Variants in ADAP1 observed in about 807,000 individuals in gnomAD.
The protein encoded by ADAP1 is arf-GAP with dual PH domain-containing protein 1.
Under a neutral mutation model 54.9 loss-of-function variants are expected in ADAP1, and 31 were observed. That is an observed-to-expected ratio of 0.56 (90% confidence interval 0.42 to 0.76). ADAP1 has a LOEUF of 0.76. ADAP1 is among the 30% of genes least tolerant of loss of function. The probability of loss-of-function intolerance (pLI) is 0.00; values close to 1 mark genes in which losing one functional copy is unlikely to be tolerated. For synonymous variants in ADAP1, 313 were observed against 202.6 expected (o/e 1.55, Z -4.63); for missense variants, 535 against 512.4 (o/e 1.04, Z -0.42).
chr7:905,389 A>AGGAGAAAG (rs1845107605), intron 4 of ADAP1: 1 of 272,968 alleles, frequency 3.7e-6, no homozygotes, highest in Non-Finnish European at 6.2e-6. Flanking sequence ...GAAAGGAGAA[A>AGGAGAAAG]GGAGAAAGGA....
At chr7:909,179 G>GGACGCCGCATTCCAGGGGCAATGA (rs1562917919) in intron 4 of ADAP1, among the ~76,000 whole-genome samples, 1 of 127,692 alleles carries the variant, frequency 7.8e-6, no homozygotes, top group Non-Finnish European at 1.7e-5. Flanking sequence ...GCAGGCGCCA[G>GGACGCCGCATTCCAGGGGCAATGA]CGGGAACCCC....
chr7:952,425 C>A (rs1013409842), intron 1 of ADAP1, among the ~76,000 whole-genome samples: 3 of 152,216 alleles, frequency 2.0e-5, no homozygotes, highest in Non-Finnish European at 2.9e-5. Flanking sequence ...CCACCCCAGC[C>A]CCCATCAACA....
chr7:945,046 G>A lies in ADAP1; in HGVS notation c.82+9350C>T, dbSNP rs529703197. On this transcript the variant is annotated intron_variant, in intron 1 of 10. Coordinates refer to ENST00000265846, the MANE Select transcript of ADAP1 (RefSeq NM_006869.4). This position sits in a 1 kb window ranked among gnomAD's most constrained non-coding sequence, Gnocchi z 4.2. The stretch of plus-strand genomic sequence containing the variant: ...CTGAAGCTCTGCAGGGTGGGCTCAC[G>A]TGTGTGTGTGCAGGTGTGTGTGTGT... 2.9e-4 allele frequency among the ~76,000 whole-genome samples: 44 copies of A among 152,262 alleles called. No individual in the cohort carries two copies. The highest frequency in any genetic ancestry group is 8.4e-4 in the African/African-American group (35 of 41,552).
rs531204399 is a variant in ADAP1 at position 904,035 on chromosome 7, G to A, written c.648+91C>T. ...GCCTAGCTCAAGTGCCTACCCTCCC[G>A]TACCGTCCAAGCACCCACCTTCCTG... On this transcript the variant is annotated intron_variant, in intron 6 of 10. Transcript: ENST00000265846. 1.3e-3 allele frequency: 2,029 copies of A among 1,551,578 alleles called. 4 individuals carry two copies. The highest frequency in any genetic ancestry group is 2.4e-3 in the South Asian group (201 of 85,040).
intron 4 of ADAP1, among the ~76,000 whole-genome samples, chr7:912,786 C>T (rs969200322): frequency 2.0e-5 from 3 of 151,876 alleles, no homozygotes; most frequent in Admixed American, 1.3e-4. Flanking sequence ...CTGCAACCTC[C>T]GCTTCCCAGG....
At position 905,205 on chromosome 7, in the gene ADAP1, G is replaced by C. The variant is rs771711082; in HGVS notation, c.389-33C>G. On this transcript the variant is annotated intron_variant, in intron 4 of 10. Coordinates refer to ENST00000265846, the MANE Select transcript of ADAP1 (RefSeq NM_006869.4). The stretch of plus-strand genomic sequence containing the variant: ...GGAAAGGGGACACGAGTCGGTGACA[G>C]TGGATGGGGGGGAGGAAACAAAAGG... The C allele has an allele frequency of 5.1e-6, 8 of 1,555,242 alleles. No homozygotes were observed. In the South Asian group the frequency reaches 5.6e-5, roughly 11 times the overall value.
intron 4 of ADAP1, among the ~76,000 whole-genome samples, chr7:907,885 G>A (rs1562916782): frequency 1.3e-5 from 2 of 151,896 alleles, no homozygotes. Flanking sequence ...CGCCTCTCCG[G>A]AGGTCGCGGG....
At chr7:903,799 C>G (rs944915115) in intron 6 of ADAP1, among the ~76,000 whole-genome samples, 1 of 152,192 alleles carries the variant, frequency 6.6e-6, no homozygotes, top group Non-Finnish European at 1.5e-5. Context: ...GCGGTGGATC[C>G]TCTAGCCCGA....
intron 4 of ADAP1, among the ~76,000 whole-genome samples, chr7:907,235 C>T (rs1583138587): frequency 1.3e-5 from 2 of 152,274 alleles, no homozygotes; most frequent in East Asian, 3.9e-4. Flanking sequence ...CACCTGGACA[C>T]GCCACCTTCT....
intron 1 of ADAP1, among the ~76,000 whole-genome samples, chr7:944,017 G>C (rs1476614395): frequency 3.3e-5 from 5 of 151,994 alleles, no homozygotes; most frequent in Non-Finnish European, 5.9e-5. Flanking sequence ...CTGGATTCAA[G>C]TGATCCTCCC....
chr7:901,093 T>A (rs957334618), intron 6 of ADAP1: 1 of 463,824 alleles, frequency 2.2e-6, no homozygotes, highest in Non-Finnish European at 4.5e-6. Context: ...CTGTGGCCCC[T>A]ACCGAGAGTG....
At chr7:901,082 G>A (rs764354424) in intron 6 of ADAP1, 1 of 468,994 alleles carries the variant, frequency 2.1e-6, no homozygotes, top group Non-Finnish European at 4.4e-6. Flanking sequence ...CGCCCTTGGA[G>A]CTGTGGCCCC....
intron 1 of ADAP1, among the ~76,000 whole-genome samples, chr7:952,609 G>A (rs2128113669): frequency 6.6e-6 from 1 of 152,270 alleles, no homozygotes; most frequent in Middle Eastern, 3.4e-3. Context: ...ACAGCCCTGG[G>A]GAGCGGGGAC....
At chr7:921,803 G>A (rs1306103750) in intron 3 of ADAP1, among the ~76,000 whole-genome samples, 1 of 152,240 alleles carries the variant, frequency 6.6e-6, no homozygotes, top group African/African-American at 2.4e-5. Flanking sequence ...AGGACCGAAG[G>A]CCGCATGTGT....
At chr7:935,265 C>T in intron 2 of ADAP1, 110 bp downstream of exon 2, 1 of 1,437,650 alleles carries the variant, frequency 7.0e-7, no homozygotes, top group Admixed American at 2.1e-5. Flanking sequence ...CCCAGAGTAG[C>T]CCAAGGCTCC....
At chr7:949,386 C>T (rs925871311) in intron 1 of ADAP1, among the ~76,000 whole-genome samples, 6 of 152,356 alleles carry the variant, frequency 3.9e-5, no homozygotes, top group South Asian at 2.1e-4. Flanking sequence ...TGACGGGTGA[C>T]GGGAGAAGCA....
intron 1 of ADAP1, among the ~76,000 whole-genome samples, chr7:936,269 C>T (rs371321216): frequency 1.3e-5 from 2 of 152,210 alleles, no homozygotes; most frequent in African/African-American, 4.8e-5. Flanking sequence ...GGCACGATCT[C>T]GGCTCGCTGC....
intron 1 of ADAP1, among the ~76,000 whole-genome samples, chr7:948,004 C>T (rs1290923593): frequency 6.6e-6 from 1 of 151,958 alleles, no homozygotes; most frequent in Non-Finnish European, 1.5e-5. Context: ...TTACCCCACT[C>T]CCTCTTCCGG....
intron 4 of ADAP1, among the ~76,000 whole-genome samples, chr7:909,839 C>T (rs1407775739): frequency 1.3e-5 from 2 of 150,034 alleles, no homozygotes; most frequent in Non-Finnish European, 3.0e-5. Context: ...CGCTGTGTGT[C>T]GGGTCCTATG....
Sources: gnomAD v4.1 joint callset for allele counts (sites outside exome capture counted in the v4.1 genomes callset) on GRCh38, gnomAD v4.1.1 for gene constraint, Gnocchi (gnomAD v3.1) non-coding constraint, MANE v1.5 for transcripts, NCBI Gene and HGNC (gene_info 2026-07-23, HGNC 2026-07-21) for gene names.